The following ENKUR variants were observed in gnomAD, a reference collection of about 807,000 sequenced individuals.
ENKUR encodes enkurin.
Under a neutral mutation model 27.6 loss-of-function variants are expected in ENKUR, and 19 were observed. The ratio of observed to expected loss-of-function variants is 0.69; its 90% CI spans 0.48 to 1.01. The LOEUF is 1.01. ENKUR is among the 50% of genes least tolerant of loss of function. The pLI is 0.00. For synonymous variants in ENKUR, 117 were observed against 96.9 expected (o/e 1.21, Z -1.22); for missense variants, 312 against 310.5 (o/e 1.00, Z -0.04).
intron 1 of ENKUR, among the ~76,000 whole-genome samples, chr10:25,011,130 T>C (rs1029001745): frequency 9.2e-5 from 14 of 151,838 alleles, no homozygotes; most frequent in African/African-American, 1.9e-4. Flanking sequence ...TTTTAATGAT[T>C]GCCATTCTAA....
At chr10:25,016,373 A>T (rs1410571698), upstream of ENKUR, among the ~76,000 whole-genome samples, 1 of 152,190 alleles carries the variant, frequency 6.6e-6, no homozygotes, top group African/African-American at 2.4e-5. Context: ...GGGAAAAAAG[A>T]AAAATCCTAG....
upstream of ENKUR, among the ~76,000 whole-genome samples, chr10:25,017,175 C>G (rs1196597052): frequency 1.3e-5 from 2 of 152,196 alleles, no homozygotes; most frequent in African/African-American, 2.4e-5. Flanking sequence ...AGAGGAGAAG[C>G]CTTTTAAGTG....
chr10:25,025,201 G>A (rs984114516), intron 2 of ENKUR: 1 of 1,614,062 alleles, frequency 6.2e-7, no homozygotes, highest in African/African-American at 1.3e-5. Context: ...AACTTGCCCT[G>A]TGATTATCTC....
At chr10:25,038,731 G>T (rs1851032532) in intron 2 of ENKUR, among the ~76,000 whole-genome samples, 1 of 152,188 alleles carries the variant, frequency 6.6e-6, no homozygotes, top group African/African-American at 2.4e-5. Flanking sequence ...TTAGGTTGAT[G>T]TCTGAAATGA....
chr10:25,024,192 C>CCA, intron 2 of ENKUR: 1 of 1,614,196 alleles, frequency 6.2e-7, no homozygotes, highest in East Asian at 2.2e-5. Flanking sequence ...AAAACTTTGC[C>CCA]TGCTCAAAAA....
chr10:25,019,333 G>A (rs1483272514), upstream of ENKUR, among the ~76,000 whole-genome samples: 1 of 152,116 alleles, frequency 6.6e-6, no homozygotes. Context: ...AATTAGCTGG[G>A]TGTGGTGGTG....
intron 2 of ENKUR, chr10:25,023,706 A>C: frequency 6.2e-7 from 1 of 1,613,976 alleles, no homozygotes; most frequent in Non-Finnish European, 8.5e-7. Flanking sequence ...TACTAGATCT[A>C]ATTTGTCGTC....
intron 2 of ENKUR, among the ~76,000 whole-genome samples, 198 bp downstream of exon 2, chr10:24,999,203 A>G (rs978680822): frequency 4.6e-5 from 7 of 152,174 alleles, no homozygotes; most frequent in African/African-American, 9.7e-5. Context: ...TCTAAAGTCT[A>G]TTCTGGGGGC....
intron 2 of ENKUR, among the ~76,000 whole-genome samples, chr10:25,039,485 A>G (rs1439196068): frequency 2.6e-5 from 4 of 152,170 alleles, no homozygotes; most frequent in African/African-American, 7.2e-5. Context: ...GAGACTGAGC[A>G]GAGAGAATCA....
chr10:25,059,038 A>G (rs1469868401), intron 2 of ENKUR, among the ~76,000 whole-genome samples: 1 of 148,228 alleles, frequency 6.7e-6, no homozygotes, highest in Non-Finnish European at 1.5e-5. Flanking sequence ...CACCCACCCA[A>G]CCTTCAGATT....
rs190736179 is a variant in ENKUR at position 25,047,344 on chromosome 10, G to T, written c.37+13768C>A. 2.1e-4 allele frequency among the ~76,000 whole-genome samples: 32 copies of T among 152,162 alleles called. No homozygotes were observed. The East Asian group carries it at 4.6e-3, about 22-fold the overall frequency. ...TATTTGATTATCCAGACTAATTGTG[G>T]GCAGGGAAAGCATGAATAATTGAAT... On this transcript the variant is annotated intron_variant, in intron 2 of 5. Transcript: ENST00000615958.
At position 25,016,055 on chromosome 10, in the gene ENKUR, A is replaced by C. The variant is rs1167569496; in HGVS notation, c.-119T>G. ...TCTTCTTCGCCTTCTGAAGGACCAC[A>C]GGTTCTCTCCTTCACATCGTCCCCC... On this transcript the variant is annotated 5_prime_UTR_variant, in exon 1 of 6. Transcript: ENST00000331161. The C allele has an allele frequency of 2.9e-5, 42 of 1,444,908 alleles. No homozygotes were observed. The highest frequency in any genetic ancestry group is 5.7e-5 in the African/African-American group (4 of 69,976). The allele number at this position is 1,444,908 out of a possible 1,614,324, so 89.5% of individuals were successfully genotyped here.
chr10:24,984,178 A>G lies in ENKUR; in HGVS notation c.*192T>C. On this transcript the variant is annotated 3_prime_UTR_variant, in exon 6 of 6. Coordinates refer to ENST00000331161, the MANE Select transcript of ENKUR (RefSeq NM_145010.4). ...TCCAAATAGAAGCCTTTCATCATATACAGTGTTACGAATACTGAAAATATT... is the reference window on the plus strand; with the variant it reads ...TCCAAATAGAAGCCTTTCATCATATGCAGTGTTACGAATACTGAAAATATT... The G allele has an allele frequency of 1.9e-6, 1 of 522,510 alleles. No individual in the cohort carries two copies. The highest frequency in any genetic ancestry group is 3.2e-6 in the Non-Finnish European group (1 of 310,298). The allele number at this position is 522,510 out of a possible 1,614,324, so 32.4% of individuals were successfully genotyped here. A position where few individuals can be genotyped will look rare whatever the true frequency, so the allele number is the denominator to read the frequency against.
chr10:25,023,171 A>T, intron 2 of ENKUR: 1 of 1,527,734 alleles, frequency 6.5e-7, no homozygotes, highest in Non-Finnish European at 8.8e-7. Context: ...TTGTGTTTTG[A>T]AAAGGGCTAA....
chr10:25,044,341 T>G (rs1320368126), intron 2 of ENKUR, among the ~76,000 whole-genome samples: 2 of 152,186 alleles, frequency 1.3e-5, no homozygotes, highest in Non-Finnish European at 2.9e-5. Flanking sequence ...ACTTTAGAAC[T>G]GGGATGTAGA....
intron 2 of ENKUR, among the ~76,000 whole-genome samples, chr10:25,056,378 T>A (rs530530762): frequency 1.3e-5 from 2 of 152,288 alleles, no homozygotes; most frequent in South Asian, 4.1e-4. Context: ...TCATGCAAAT[T>A]TCTATAGAGG....
rs746962295 is a variant in ENKUR, at chr10:24,999,429, T to A, written c.195A>T (p.Lys65Asn). ...EVPSPKDFLK[K>N]HSKEKTLPPK... is the part of the protein sequence containing the mutation. ...GTGGTAGAGTTTTTTCCTTTGAATG[T>A]TTCTTTAGGAAATCCTTTGGAGAAG... The change falls in exon 2 of 6, where the codon AAA becomes AAT. Residue 65 changes from lysine (K) to asparagine (N), a missense_variant. Lys to Asn is a moderately conservative substitution (Grantham distance 94). Transcript: ENST00000331161. 1.9e-6 allele frequency: 3 copies of A among 1,611,274 alleles called. No homozygotes were observed. Among genetic ancestry groups the A allele is most frequent in the Non-Finnish European group, 1.7e-6 (2 of 1,179,282 alleles).
At chr10:25,011,907 G>T (rs961394648) in intron 1 of ENKUR, among the ~76,000 whole-genome samples, 1 of 152,202 alleles carries the variant, frequency 6.6e-6, no homozygotes, top group South Asian at 2.1e-4. Context: ...TGTCTCCAGA[G>T]CCTGTCAGAG....
At chr10:25,017,636 G>A (rs1030945133), upstream of ENKUR, among the ~76,000 whole-genome samples, 3 of 90,494 alleles carry the variant, frequency 3.3e-5, no homozygotes, top group East Asian at 9.3e-4. Flanking sequence ...TTTTTTTTTT[G>A]TATACAGTTG....
Sources: gnomAD v4.1 joint callset for allele counts (sites outside exome capture counted in the v4.1 genomes callset) on GRCh38, gnomAD v4.1.1 for gene constraint, MANE v1.5 for transcripts, NCBI Gene and HGNC (gene_info 2026-07-23, HGNC 2026-07-21) for gene names.